Variants in CNGA1 observed in about 807,000 individuals in gnomAD.
CNGA1 encodes the protein cyclic nucleotide-gated channel alpha-1.
CNGA1 carries 53 observed loss-of-function variants against 69.7 expected under a neutral mutation model. The ratio of observed to expected loss-of-function variants is 0.76; its 90% confidence interval spans 0.61 to 0.96. CNGA1 has a LOEUF of 0.96. Ranked by LOEUF, CNGA1 falls within the 40% of genes least tolerant of loss-of-function variation. The probability of loss-of-function intolerance (pLI) is 0.00; values close to 1 mark genes in which losing one functional copy is unlikely to be tolerated. For missense variants in CNGA1, 739 were observed against 811.2 expected, an observed-to-expected ratio of 0.91 and a Z score of 1.08; for synonymous variants, 249 against 283.5, an observed-to-expected ratio of 0.88 and a Z score of 1.22.
intron 3 of CNGA1, among the ~76,000 whole-genome samples, 154 bp downstream of exon 3, chr4:47,981,239 G>T (rs1741694978): frequency 6.6e-6 from 1 of 152,198 alleles, no homozygotes; most frequent in African/African-American, 2.4e-5. Context: ...CTGTCAAAAA[G>T]ACAGAGAAGT....
At chr4:47,991,273 C>T (rs1742253304) in intron 2 of CNGA1, among the ~76,000 whole-genome samples, 1 of 152,188 alleles carries the variant, frequency 6.6e-6, no homozygotes, top group Non-Finnish European at 1.5e-5. Context: ...ACATTCCCAC[C>T]AGCAGTGTAG....
chr4:48,010,799 C>A lies in CNGA1; in HGVS notation c.-128G>T. On this transcript the variant is annotated 5_prime_UTR_variant, in exon 2 of 11. Transcript: ENST00000514170. ...ATCAGGAGCACAGCACACACCTTGC[C>A]GGATCCAGAGGGATGGAAGTCAGCA... The A allele has an allele frequency of 6.5e-6, 1 of 153,664 alleles. No homozygotes were observed. The highest frequency in any genetic ancestry group is 1.8e-4 in the South Asian group (1 of 5,430). The allele number at this position is 153,664 out of a possible 1,614,324, so 9.5% of individuals were successfully genotyped here.
chr4:47,994,363 T>A (rs186986453), intron 2 of CNGA1, among the ~76,000 whole-genome samples: 18 of 152,320 alleles, frequency 1.2e-4, no homozygotes, highest in African/African-American at 4.3e-4. Context: ...AGCTCCAGTG[T>A]TAGGCGCATA....
chr4:47,951,021 G>GTT (rs1455834394), intron 5 of CNGA1, among the ~76,000 whole-genome samples: 1 of 152,204 alleles, frequency 6.6e-6, no homozygotes, highest in East Asian at 1.9e-4. Flanking sequence ...AAGCAAGAGT[G>GTT]TTTACAACTT....
At chr4:47,980,479 T>A (rs1185285267) in intron 3 of CNGA1, among the ~76,000 whole-genome samples, 1 of 148,696 alleles carries the variant, frequency 6.7e-6, no homozygotes, top group Non-Finnish European at 1.5e-5. Flanking sequence ...TTTCTTTTTT[T>A]TTTTTTTTTT....
intron 10 of CNGA1, among the ~76,000 whole-genome samples, chr4:47,938,173 C>CAAAAAAA (rs10717851): frequency 7.9e-6 from 1 of 126,488 alleles, no homozygotes; most frequent in Non-Finnish European, 1.7e-5. Context: ...GACCCTGTCT[C>CAAAAAAA]AAAAAAAAAA....
At chr4:47,967,265 T>C (rs1039781755) in intron 3 of CNGA1, among the ~76,000 whole-genome samples, 4 of 152,036 alleles carry the variant, frequency 2.6e-5, no homozygotes, top group Non-Finnish European at 5.9e-5. Flanking sequence ...ATCTTGCCAC[T>C]GCACTCCTGC....
rs536814388 is a variant in CNGA1, at chr4:47,988,864, G to A, written c.-122-7364C>T. On this transcript the variant is annotated intron_variant, in intron 2 of 10. Transcript: ENST00000514170. ...TCATCCCTAGGTATACGTGGTGATC[G>A]GTTTGGTTGAAAAAAATCCACATAT... Among the ~76,000 whole-genome samples the A allele has an allele frequency of 2.2e-4, 33 of 151,822 alleles. No homozygotes were observed. The South Asian group carries it at 5.0e-3, about 23-fold the overall frequency.
intron 3 of CNGA1, among the ~76,000 whole-genome samples, chr4:47,966,680 G>C (rs922776983): frequency 4.6e-5 from 7 of 152,208 alleles, no homozygotes; most frequent in Admixed American, 3.9e-4. Flanking sequence ...CAAGGTTGCT[G>C]TTAACTGCTT....
intron 2 of CNGA1, among the ~76,000 whole-genome samples, chr4:48,008,258 TG>T (rs1484629212): frequency 6.6e-6 from 1 of 152,234 alleles, no homozygotes; most frequent in African/African-American, 2.4e-5. Flanking sequence ...TGGTTTGTCC[TG>T]AACATCCCTT....
chr4:48,002,347 C>G (rs1714698055), intron 2 of CNGA1, among the ~76,000 whole-genome samples: 1 of 152,122 alleles, frequency 6.6e-6, no homozygotes, highest in South Asian at 2.1e-4. Context: ...CTAGGCTGGA[C>G]AGCAACATTT....
intron 2 of CNGA1, among the ~76,000 whole-genome samples, chr4:47,985,900 C>G (rs371795724): frequency 6.6e-6 from 1 of 152,142 alleles, no homozygotes; most frequent in Non-Finnish European, 1.5e-5. Context: ...GGAAATAACA[C>G]CTACCTCATT....
intron 3 of CNGA1, among the ~76,000 whole-genome samples, chr4:47,960,415 A>G (rs997428308): frequency 6.6e-6 from 1 of 152,210 alleles, no homozygotes; most frequent in African/African-American, 2.4e-5. Context: ...ACCTAAACAT[A>G]GAAGCTAAAA....
intron 3 of CNGA1, among the ~76,000 whole-genome samples, chr4:47,979,937 G>A (rs1741611076): frequency 2.0e-5 from 3 of 152,060 alleles, no homozygotes; most frequent in Admixed American, 1.3e-4. Context: ...ACTAGGGTCT[G>A]TTATTTACAC....
intron 2 of CNGA1, among the ~76,000 whole-genome samples, chr4:47,985,507 G>T (rs1401509023): frequency 1.3e-5 from 2 of 152,078 alleles, no homozygotes; most frequent in African/African-American, 4.8e-5. Flanking sequence ...TTTCTTAAAT[G>T]ATTTTAATGA....
At chr4:47,940,910 G>A (rs200495394) in intron 9 of CNGA1, 41 bp from the exon 10 acceptor site, 171 of 1,307,582 alleles carry the variant, frequency 1.3e-4, no homozygotes, top group Middle Eastern at 3.8e-4. Flanking sequence ...AAAAGAAATG[G>A]GGGCCAATTT....
At position 47,997,095 on chromosome 4, in the gene CNGA1, G is replaced by A. The variant is rs143349986; in HGVS notation, c.-123+13699C>T. Among the ~76,000 whole-genome samples the A allele has an allele frequency of 5.9e-3, 896 of 152,082 alleles. 5 individuals are homozygous for A. Among genetic ancestry groups the A allele is most frequent in the South Asian group, 0.021 (100 of 4,806 alleles). On this transcript the variant is annotated intron_variant, in intron 2 of 10. Coordinates refer to ENST00000514170, the MANE Select transcript of CNGA1 (RefSeq NM_001379270.1). ...AAAACTTAGGTAAATATGAAATCAC[G>A]CTAACCTATATAATGTTGTGCCTTA...
intron 3 of CNGA1, among the ~76,000 whole-genome samples, chr4:47,954,561 C>G (rs1739948137): frequency 6.6e-6 from 1 of 152,228 alleles, no homozygotes; most frequent in Non-Finnish European, 1.5e-5. Context: ...CATTTTATAA[C>G]CACATGAAAG....
chr4:47,997,715 T>C (rs1714451147), intron 2 of CNGA1, among the ~76,000 whole-genome samples: 1 of 152,186 alleles, frequency 6.6e-6, no homozygotes, highest in Admixed American at 6.5e-5. Context: ...ATTGTAGTAA[T>C]TTTTATAAAT....
Sources: gnomAD v4.1 joint callset for allele counts (sites outside exome capture counted in the v4.1 genomes callset) on GRCh38, gnomAD v4.1.1 for gene constraint, MANE v1.5 for transcripts, NCBI Gene and HGNC (gene_info 2026-07-23, HGNC 2026-07-21) for gene names.